FAF1: variants seen among roughly 807,000 people sequenced by gnomAD.
FAF1 encodes Fas associated factor 1, also known as FAS-associated factor 1.
A neutral mutation model predicts 92.5 loss-of-function variants in FAF1; 25 were observed. The observed-to-expected ratio is 0.27, with a 90% CI of 0.20 to 0.38. The LOEUF (loss-of-function observed/expected upper bound fraction) is 0.38, where lower values mean the gene tolerates loss of function less well. FAF1 is among the 10% of genes least tolerant of loss of function. The pLI, the probability that FAF1 is intolerant of heterozygous loss-of-function variation, is 1.00. For missense variants in FAF1, 636 were observed against 793.3 expected (o/e 0.80, Z 2.38); for synonymous variants, 234 against 273.2 (o/e 0.86, Z 1.42).
At chr1:50,930,137 T>C (rs1468305789) in intron 1 of FAF1, among the ~76,000 whole-genome samples, 1 of 152,188 alleles carries the variant, frequency 6.6e-6, no homozygotes, top group Non-Finnish European at 1.5e-5. Context: ...GAGAGGGATA[T>C]CTTTGAAATG....
chr1:50,470,712 T>C (rs963148011), intron 18 of FAF1: 1 of 152,264 alleles, frequency 6.6e-6, no homozygotes, highest in Admixed American at 6.5e-5. Context: ...CCCTGTCAGA[T>C]ATTATCATTT....
At chr1:50,568,989 T>C (rs1054733412) in intron 12 of FAF1, among the ~76,000 whole-genome samples, 1 of 152,174 alleles carries the variant, frequency 6.6e-6, no homozygotes, top group South Asian at 2.1e-4. Flanking sequence ...TGAAATGCTC[T>C]TTGTGTCAGG....
At chr1:50,748,699 T>C (rs905825869) in intron 4 of FAF1, among the ~76,000 whole-genome samples, 1 of 152,238 alleles carries the variant, frequency 6.6e-6, no homozygotes, top group Non-Finnish European at 1.5e-5. Context: ...AATGTACTTA[T>C]CTTTCATATA....
intron 13 of FAF1, among the ~76,000 whole-genome samples, chr1:50,550,351 TA>T (rs11297579): frequency 0.34 from 37,180 of 108,314 alleles, 6,109 homozygotes; most frequent in Middle Eastern, 0.53. Flanking sequence ...ACTCCGTCTT[TA>T]AAAAAAAAAA....
rs1557966686 is a variant in FAF1 at position 50,490,444 on chromosome 1, GA to G, written c.1653+143del. On this transcript the variant is annotated intron_variant, in intron 17 of 18. Transcript: ENST00000396153. ...GGAAGGAAGGAAGGAAGGAAGGAAG[GA>G]AGGAAGGAAGGAAGGAAAAAGAAAG... 5 of 386,628 alleles carry G rather than the reference GA, an allele frequency of 1.3e-5. 1 individual carries two copies. The highest frequency in any genetic ancestry group is 8.9e-5 in the East Asian group (3 of 33,786). 23.9% of individuals were successfully genotyped at this position (386,628 alleles called of 1,614,324 possible). A position where few individuals can be genotyped will look rare whatever the true frequency, so the allele number is the denominator to read the frequency against.
At chr1:50,450,713 G>C (rs1205549716) in intron 18 of FAF1, among the ~76,000 whole-genome samples, 3 of 152,180 alleles carry the variant, frequency 2.0e-5, no homozygotes, top group Admixed American at 6.5e-5. Flanking sequence ...AAGTATCAGA[G>C]GGGGAACTTA....
At chr1:50,663,735 A>G (rs1021441251) in intron 7 of FAF1, among the ~76,000 whole-genome samples, 1 of 151,642 alleles carries the variant, frequency 6.6e-6, no homozygotes, top group African/African-American at 2.4e-5. Flanking sequence ...CAAATAATAT[A>G]TAGGCTCTTC....
At chr1:50,788,566 A>C (rs1285251111) in intron 3 of FAF1, among the ~76,000 whole-genome samples, 1 of 152,098 alleles carries the variant, frequency 6.6e-6, no homozygotes, top group Non-Finnish European at 1.5e-5. Flanking sequence ...TCATTATTTG[A>C]CTCATTAACT....
At chr1:50,607,708 C>A (rs1215560052) in intron 8 of FAF1, among the ~76,000 whole-genome samples, 1 of 152,146 alleles carries the variant, frequency 6.6e-6, no homozygotes, top group Non-Finnish European at 1.5e-5. Flanking sequence ...TATGACCTCC[C>A]CAATTTCACA....
At chr1:50,826,817 T>C (rs1361606776) in intron 2 of FAF1, among the ~76,000 whole-genome samples, 2 of 152,216 alleles carry the variant, frequency 1.3e-5, no homozygotes, top group Admixed American at 1.3e-4. Context: ...TTTAGTCTTA[T>C]ATCTACTAAA....
At chr1:50,532,220 A>C (rs1289282244) in intron 15 of FAF1, among the ~76,000 whole-genome samples, 1 of 152,196 alleles carries the variant, frequency 6.6e-6, no homozygotes, top group African/African-American at 2.4e-5. Context: ...TTCAATAAAA[A>C]TTTCAATTAT....
chr1:50,881,018 C>A (rs1052093216), intron 1 of FAF1, among the ~76,000 whole-genome samples: 3 of 152,148 alleles, frequency 2.0e-5, no homozygotes, highest in Admixed American at 6.6e-5. Context: ...CACTAGCTTA[C>A]AAACTCAGAG....
chr1:50,932,287 T>C (rs1027116240), intron 1 of FAF1, among the ~76,000 whole-genome samples: 5 of 152,256 alleles, frequency 3.3e-5, no homozygotes, highest in Middle Eastern at 3.4e-3. Flanking sequence ...ACAAGGCAAG[T>C]CCCTTCCACC....
chr1:50,445,736 A>G (rs1280984610), intron 18 of FAF1, among the ~76,000 whole-genome samples: 1 of 152,236 alleles, frequency 6.6e-6, no homozygotes, highest in Non-Finnish European at 1.5e-5. Context: ...GGTCATTCTC[A>G]GATAAGAGGT....
chr1:50,601,574 C>T (rs886248056), intron 8 of FAF1, among the ~76,000 whole-genome samples: 17 of 151,886 alleles, frequency 1.1e-4, no homozygotes, highest in Admixed American at 6.6e-5. Context: ...CTCAGGCACT[C>T]GGGAGGCTGA....
At chr1:50,479,486 C>A (rs1452016095) in intron 17 of FAF1, among the ~76,000 whole-genome samples, 1 of 152,208 alleles carries the variant, frequency 6.6e-6, no homozygotes, top group Non-Finnish European at 1.5e-5. Flanking sequence ...ATATGTAATA[C>A]TGTGATCAAC....
At chr1:50,753,880 C>T (rs1029905255) in intron 4 of FAF1, among the ~76,000 whole-genome samples, 1 of 151,672 alleles carries the variant, frequency 6.6e-6, no homozygotes, top group Non-Finnish European at 1.5e-5. Flanking sequence ...GCCTCAGTCT[C>T]CTGAGTAGCT....
At chr1:50,483,286 T>C (rs760096619) in intron 17 of FAF1, among the ~76,000 whole-genome samples, 25 of 152,180 alleles carry the variant, frequency 1.6e-4, no homozygotes, top group Non-Finnish European at 3.2e-4. Flanking sequence ...ATTGCCTTTG[T>C]ATCTCTGTTG....
At chr1:50,616,681 A>AT (rs201295380) in intron 8 of FAF1, among the ~76,000 whole-genome samples, 4,201 of 136,118 alleles carry the variant, frequency 0.031, 172 homozygotes, top group African/African-American at 0.09. Flanking sequence ...TTGTATACTG[A>AT]TTTTTTTTTT....
Sources: gnomAD v4.1 joint callset for allele counts (sites outside exome capture counted in the v4.1 genomes callset) on GRCh38, gnomAD v4.1.1 for gene constraint, MANE v1.5 for transcripts, NCBI Gene and HGNC (gene_info 2026-07-23, HGNC 2026-07-21) for gene names.